The following DIDO1 variants were observed in gnomAD, a reference collection of about 807,000 sequenced individuals.
The protein encoded by DIDO1 is death inducer-obliterator 1, also known as death-inducer obliterator 1.
Under a neutral mutation model 99.4 loss-of-function variants are expected in DIDO1, and 16 were observed. The ratio of observed to expected loss-of-function variants is 0.16; its 90% CI spans 0.11 to 0.24. DIDO1 has a LOEUF of 0.24. DIDO1 is among the 10% of genes least tolerant of loss of function. DIDO1 has a pLI of 1.00. For missense variants in DIDO1, 2,996 were observed against 3,014.0 expected (o/e 0.99, Z 0.14); for synonymous variants, 1,366 against 1,239.1 (o/e 1.10, Z -2.15).
intron 15 of DIDO1, among the ~76,000 whole-genome samples, chr20:62,885,155 G>A (rs533697514): frequency 6.6e-6 from 1 of 152,240 alleles, no homozygotes; most frequent in African/African-American, 2.4e-5. Context: ...CTGAGGCTCA[G>A]GCTGAGTTCT....
Position 62,879,613 on chromosome 20 carries a change from T to G in DIDO1, c.6343A>C (p.Arg2115=), listed in dbSNP as rs142252746. ...AQGRASEDRR[R]ERERGRNWSR... The stretch of plus-strand genomic sequence containing the variant: ...CAGTTTCGGCCGCGCTCGCGCTCTC[T>G]CCTCCTGTCCTCGGACGCCCGGCCC... The change falls in exon 16 of 16, where the codon AGA becomes CGA. Residue 2115 remains arginine, a synonymous_variant. Coordinates refer to ENST00000395343, the MANE Select transcript of DIDO1 (RefSeq NM_001193369.2). The surrounding 1 kb of genome is among the most constrained non-coding windows in gnomAD (Gnocchi z 6.3). 137 of 1,604,606 alleles carry G rather than the reference T, an allele frequency of 8.5e-5. No homozygotes were observed. The African/African-American group carries it at 1.6e-3, about 19-fold the overall frequency.
chr20:62,931,336 G>A (rs139033968), upstream of DIDO1, among the ~76,000 whole-genome samples: 3 of 152,150 alleles, frequency 2.0e-5, no homozygotes, highest in Non-Finnish European at 2.9e-5. Flanking sequence ...TTTCTCTAAG[G>A]TGTCTAAGTT....
intron 4 of DIDO1, 39 bp from the exon 5 acceptor site, chr20:62,907,398 C>A: frequency 6.3e-7 from 1 of 1,596,554 alleles, no homozygotes. Flanking sequence ...AATGTACTTG[C>A]CAATTTTAAG....
chr20:62,924,830 CAT>C (rs1305542906), intron 1 of DIDO1, among the ~76,000 whole-genome samples: 2 of 152,138 alleles, frequency 1.3e-5, no homozygotes, highest in Non-Finnish European at 2.9e-5. Flanking sequence ...CTCTGCTTGA[CAT>C]AGTCTGAATT....
chr20:62,889,048 T>G (rs2064346828), intron 15 of DIDO1: 3 of 985,376 alleles, frequency 3.0e-6, no homozygotes, highest in African/African-American at 1.7e-5. Context: ...TCAGGCGGCG[T>G]CGTGGCCTCA....
In DIDO1 at chr20:62,909,886, T is replaced by C; in HGVS notation, c.974A>G (p.Gln325Arg). Reference sequence around the variant, plus strand: ...TGCCGTTTCTGAATGAGTCTCATCCTGCACTTGCAGAATGGTGCAGTTTGG... The same window carrying C: ...TGCCGTTTCTGAATGAGTCTCATCCCGCACTTGCAGAATGGTGCAGTTTGG... ...ICPNCTILQV[Q>R]DETHSETADQ... The change falls in exon 4 of 16, where the codon CAG (glutamine) becomes CGG (arginine). Residue 325 changes from glutamine (Q) to arginine (R), a missense_variant. Physicochemically the swap from Gln to Arg is conservative, Grantham distance 43 (BLOSUM62 1). Coordinates refer to ENST00000395343, the MANE Select transcript of DIDO1 (RefSeq NM_001193369.2). The C allele has an allele frequency of 5.6e-6, 9 of 1,614,262 alleles. No homozygotes were observed. The highest frequency in any genetic ancestry group is 7.6e-6 in the Non-Finnish European group (9 of 1,180,040).
intron 15 of DIDO1, chr20:62,889,340 C>T (rs1208484680): frequency 3.7e-5 from 36 of 982,716 alleles, no homozygotes; most frequent in Non-Finnish European, 4.3e-5. Flanking sequence ...CGGTGCCCGG[C>T]ATGCGCCGGG....
At chr20:62,889,715 G>C in intron 15 of DIDO1, 3 of 985,394 alleles carry the variant, frequency 3.0e-6, no homozygotes, top group Non-Finnish European at 3.6e-6. Flanking sequence ...ACCTCTACCA[G>C]GGTCCTTTCT....
At chr20:62,886,413 T>C (rs1245121940) in intron 15 of DIDO1, among the ~76,000 whole-genome samples, 1 of 152,156 alleles carries the variant, frequency 6.6e-6, no homozygotes, top group Non-Finnish European at 1.5e-5. Context: ...CTGGACTCAG[T>C]GGTCAGAATC....
In DIDO1 at chr20:62,881,215, G is replaced by A. The variant is rs764200103; in HGVS notation, c.4741C>T (p.Leu1581Phe). The A allele has an allele frequency of 1.4e-5, 23 of 1,605,216 alleles. No homozygotes were observed. The highest frequency in any genetic ancestry group is 3.4e-5 in the Admixed American group (2 of 59,656). The change falls in exon 16 of 16, where the codon CTC (leucine) becomes TTC (phenylalanine). Residue 1581 changes from leucine to phenylalanine, a missense_variant. Leu to Phe is a conservative substitution (Grantham distance 22, BLOSUM62 0). Transcript: ENST00000395343. The surrounding 1 kb of genome is among the most constrained non-coding windows in gnomAD (Gnocchi z 8.3). ...GCACCCTGGGCACCACGTGCCGAGA[G>A]CCTGGAGAGAGGCTCCCCCTCCCCC... Reference protein sequence around the residue: ...GEGEGEPLSRLSARGAQGALP... With the variant: ...GEGEGEPLSRFSARGAQGALP...
Position 62,909,760 on chromosome 20 carries a change from T to A in DIDO1, c.1100A>T (p.Lys367Met). The change falls in exon 4 of 16, where the codon AAG becomes ATG. Residue 367 changes from lysine (K) to methionine (M), a missense_variant. Lys to Met is a moderately conservative substitution (Grantham distance 95, BLOSUM62 -1). Transcript: ENST00000395343. ...ATTTGCAGCTTTCTCAATTCTACCC[T>A]TTATCCCTTGGTCTTCGCTAGACTT... is the stretch of plus-strand genomic sequence containing the variant. ...EQKSSEDQGI[K>M]GRIEKAANPS... is the part of the protein sequence containing the mutation. 6.2e-7 allele frequency: 1 copy of A among 1,614,256 alleles called. No homozygotes were observed. Among genetic ancestry groups the A allele is most frequent in the Non-Finnish European group, 8.5e-7 (1 of 1,180,042 alleles).
chr20:62,925,480 T>C lies in DIDO1; in HGVS notation c.-200+959A>G, dbSNP rs116956497. The stretch of plus-strand genomic sequence containing the variant: ...CCTTTCCCTCCTCTAAGTCCCTGAG[T>C]ACACTAGGCTCAAATCTCATTCCAT... On this transcript the variant is annotated intron_variant, in intron 1 of 15. Transcript: ENST00000395343. Among the ~76,000 whole-genome samples, 47 of 152,272 alleles carry C rather than the reference T, an allele frequency of 3.1e-4. 1 individual carries two copies. In the East Asian group the frequency reaches 8.3e-3, roughly 27 times the overall value.
chr20:62,893,617 A>G, intron 12 of DIDO1, 49 bp downstream of exon 12: 1 of 1,507,412 alleles, frequency 6.6e-7, no homozygotes, highest in Non-Finnish European at 8.9e-7. Context: ...TCCTTTCGTT[A>G]ATCTAAAAAA....
At position 62,880,269 on chromosome 20, in the gene DIDO1, A is replaced by G; in HGVS notation, c.5687T>C (p.Leu1896Pro). The G allele has an allele frequency of 6.2e-7, 1 of 1,612,722 alleles. No homozygotes were observed. Among genetic ancestry groups the G allele is most frequent in the Non-Finnish European group, 8.5e-7 (1 of 1,179,946 alleles). The change falls in exon 16 of 16, where the codon CTG (leucine) becomes CCG (proline). Residue 1896 changes from leucine to proline, a missense_variant. Leu to Pro is a moderately conservative substitution (Grantham distance 98). This residue lies in a region of DIDO1 where 1,562 missense variants were observed against 1,412.6 expected (regional missense o/e 1.11). Transcript: ENST00000395343. ...PFQFGGQRRP[L>P]LSQLKGPRGG... is the part of the protein sequence containing the mutation. Reference sequence around the variant, plus strand: ...TCGGGGGCCTTTCAGCTGAGACAGCAGTGGCCTTCTCTGGCCTCCGAACTG... The same window carrying G: ...TCGGGGGCCTTTCAGCTGAGACAGCGGTGGCCTTCTCTGGCCTCCGAACTG...
At chr20:62,914,985 TCAAC>T (rs1002084203) in intron 1 of DIDO1, among the ~76,000 whole-genome samples, 2 of 152,180 alleles carry the variant, frequency 1.3e-5, no homozygotes, top group Admixed American at 6.5e-5. Flanking sequence ...GTATCCTCTC[TCAAC>T]CAGTCACATC....
At chr20:62,910,095 T>G in intron 3 of DIDO1, 75 bp from the exon 4 acceptor site, 5 of 1,446,766 alleles carry the variant, frequency 3.5e-6, no homozygotes, top group Non-Finnish European at 4.7e-6. Flanking sequence ...ATAAGACAAT[T>G]GGTTTTAACT....
Position 62,880,924 on chromosome 20 carries a change from C to G in DIDO1, c.5032G>C (p.Gly1678Arg). The G allele has an allele frequency of 6.2e-7, 1 of 1,609,916 alleles. No homozygotes were observed. Among genetic ancestry groups the G allele is most frequent in the East Asian group, 2.2e-5 (1 of 44,872 alleles). Residue 1678 changes from glycine (G) to arginine (R), a missense_variant, in exon 16 of 16, where the codon GGT becomes CGT. Coordinates refer to ENST00000395343, the MANE Select transcript of DIDO1 (RefSeq NM_001193369.2). ...LQPGFPLQHD[G>R]ERDPFTCPGF... is the part of the protein sequence containing the mutation. ...GGGCAGGTGAAAGGGTCCCTCTCACCGTCGTGCTGCAGCGGGAAGCCGGGC... is the reference window on the plus strand; with the variant it reads ...GGGCAGGTGAAAGGGTCCCTCTCACGGTCGTGCTGCAGCGGGAAGCCGGGC...
intron 1 of DIDO1, among the ~76,000 whole-genome samples, chr20:62,936,033 C>T (rs1249886004): frequency 6.6e-6 from 1 of 152,218 alleles, no homozygotes; most frequent in African/African-American, 2.4e-5. Context: ...ACTGAGACAG[C>T]CTCTTTGGAC....
At chr20:62,922,868 G>A (rs1445125666) in intron 1 of DIDO1, among the ~76,000 whole-genome samples, 1 of 152,234 alleles carries the variant, frequency 6.6e-6, no homozygotes, top group African/African-American at 2.4e-5. Context: ...AGTGCTTCAC[G>A]ATGACCCAGG....
Sources: allele counts gnomAD v4.1 joint callset (sites outside exome capture counted in the v4.1 genomes callset), GRCh38; gene constraint gnomAD v4.1.1; regional missense constraint gnomAD v4.1.1; non-coding constraint Gnocchi (gnomAD v3.1); transcripts MANE v1.5; gene names NCBI Gene and HGNC (gene_info 2026-07-23, HGNC 2026-07-21).